The following MYO10 variants were observed in gnomAD, a reference collection of about 807,000 sequenced individuals.
MYO10 encodes myosin X.
A neutral mutation model predicts 257.3 loss-of-function variants in MYO10; 133 were observed. The observed-to-expected ratio is 0.52, with a 90% CI of 0.45 to 0.60. The LOEUF is 0.60. MYO10 is among the 20% of genes least tolerant of loss of function. The pLI, the probability that MYO10 is intolerant of heterozygous loss-of-function variation, is 0.00. For synonymous variants in MYO10, 1,104 were observed against 1,028.6 expected, an observed-to-expected ratio of 1.07 and a Z score of -1.40; for missense variants, 2,399 against 2,635.7, an observed-to-expected ratio of 0.91 and a Z score of 1.97.
In MYO10 at chr5:16,670,959, T is replaced by G; in HGVS notation, c.5450A>C (p.His1817Pro). Residue 1817 changes from histidine (H) to proline (P), a missense_variant, in exon 39 of 41, where the codon CAT becomes CCT. Coordinates refer to ENST00000513610, the MANE Select transcript of MYO10 (RefSeq NM_012334.3). ...TTCTTCCGGGGCTGGATGGTGGCCATGGATAACCGCTTCGTGGGCCTGAAA... is the reference window on the plus strand; with the variant it reads ...TTCTTCCGGGGCTGGATGGTGGCCAGGGATAACCGCTTCGTGGGCCTGAAA... ...MFEQAHEAVI[H>P]GHHPAPEENL... is the part of the protein sequence containing the mutation. The G allele has an allele frequency of 6.2e-7, 1 of 1,610,406 alleles. No individual in the cohort carries two copies. Among genetic ancestry groups the G allele is most frequent in the Non-Finnish European group, 8.5e-7 (1 of 1,177,006 alleles).
intron 19 of MYO10, among the ~76,000 whole-genome samples, chr5:16,744,551 TC>T (rs1740127933): frequency 6.6e-6 from 1 of 152,092 alleles, no homozygotes; most frequent in South Asian, 2.1e-4. Context: ...ACCCTGGGTC[TC>T]AGCAGGCGCG....
intron 3 of MYO10, among the ~76,000 whole-genome samples, chr5:16,811,870 A>T (rs26343): frequency 0.015 from 2,343 of 152,134 alleles, 71 homozygotes; most frequent in African/African-American, 0.055. Flanking sequence ...ACCCTGATTG[A>T]TCTCATGCCT....
intron 6 of MYO10, among the ~76,000 whole-genome samples, chr5:16,781,036 T>C (rs1464832046): frequency 6.6e-6 from 1 of 152,158 alleles, no homozygotes; most frequent in African/African-American, 2.4e-5. Context: ...ATGGAAATTA[T>C]ATCAGAGATT....
intron 3 of MYO10, among the ~76,000 whole-genome samples, 169 bp downstream of exon 3, chr5:16,817,840 G>A (rs1424774870): frequency 1.3e-5 from 2 of 152,072 alleles, no homozygotes; most frequent in African/African-American, 4.8e-5. Flanking sequence ...ATAAACTCTA[G>A]GAAAACATGA....
chr5:16,800,602 AT>A (rs1460563820), intron 3 of MYO10, among the ~76,000 whole-genome samples: 1 of 152,174 alleles, frequency 6.6e-6, no homozygotes, highest in East Asian at 1.9e-4. Context: ...CATAAAAGCG[AT>A]GCCCACAGCA....
chr5:16,824,966 G>A (rs1452161545), intron 2 of MYO10, among the ~76,000 whole-genome samples: 1 of 152,146 alleles, frequency 6.6e-6, no homozygotes, highest in African/African-American at 2.4e-5. Flanking sequence ...ACAATATTAT[G>A]TCATATTATA....
intron 2 of MYO10, among the ~76,000 whole-genome samples, chr5:16,866,887 C>T (rs1018771162): frequency 6.6e-6 from 1 of 152,164 alleles, no homozygotes; most frequent in Non-Finnish European, 1.5e-5. Flanking sequence ...TCTCCACCCA[C>T]AGCCGCTCTT....
At chr5:16,693,804 C>A in intron 27 of MYO10, among the ~76,000 whole-genome samples, 1 of 152,084 alleles carries the variant, frequency 6.6e-6, no homozygotes, top group East Asian at 1.9e-4. Context: ...AAATAATAGG[C>A]CCTCAATAGT....
intron 1 of MYO10, among the ~76,000 whole-genome samples, chr5:16,919,084 C>G (rs1745907112): frequency 6.6e-6 from 1 of 152,082 alleles, no homozygotes; most frequent in Non-Finnish European, 1.5e-5. Flanking sequence ...ACTTCAAAAG[C>G]CTACCAGAAC....
At chr5:16,818,368 G>A (rs1413729054) in intron 2 of MYO10, among the ~76,000 whole-genome samples, 4 of 94,848 alleles carry the variant, frequency 4.2e-5, no homozygotes, top group Admixed American at 3.9e-4. Flanking sequence ...ATGTATGTGT[G>A]TGTGTGTGTG....
rs1165129406 is a variant in MYO10 at position 16,794,536 on chromosome 5, G to A, written c.467+110C>T. ...CAGAAAACTCTGTCGGAGAAACTCA[G>A]GCGGTTGTAAAAGCTTCCTCTGGTT... On this transcript the variant is annotated intron_variant, in intron 4 of 40. Coordinates refer to ENST00000513610, the MANE Select transcript of MYO10 (RefSeq NM_012334.3). 2.9e-6 allele frequency: 3 copies of A among 1,042,608 alleles called. No individual in the cohort carries two copies. The East Asian group carries it at 9.1e-5, about 32-fold the overall frequency. 64.6% of individuals were successfully genotyped at this position (1,042,608 alleles called of 1,614,324 possible). A position where few individuals can be genotyped will look rare whatever the true frequency, so the allele number is the denominator to read the frequency against.
chr5:16,877,801 A>T (rs2126762462), intron 1 of MYO10, 94 bp from the exon 2 acceptor site: 1 of 876,934 alleles, frequency 1.1e-6, no homozygotes, highest in African/African-American at 1.7e-5. Context: ...ATATTCCTTT[A>T]AAAAAAATCT....
intron 26 of MYO10, 144 bp from the exon 27 acceptor site, chr5:16,694,758 G>C (rs1273425829): frequency 1.7e-5 from 18 of 1,068,730 alleles, no homozygotes; most frequent in Non-Finnish European, 2.5e-5. Context: ...TCAGTGAGGA[G>C]TGGCACTGCT....
Position 16,769,214 on chromosome 5 carries a change from A to T in MYO10, c.931-11T>A. 2 of 1,585,592 alleles carry T rather than the reference A, an allele frequency of 1.3e-6. No individual in the cohort carries two copies. Among genetic ancestry groups the T allele is most frequent in the Non-Finnish European group, 1.7e-6 (2 of 1,170,182 alleles). ...CACGTCCATTGCCGTCTAGAAGAAA[A>T]TAAATGTATTTAATTTTATGTCGTT... On this transcript the variant is annotated splice_polypyrimidine_tract_variant and intron_variant, in intron 9 of 40. Transcript: ENST00000513610.
Position 16,872,652 on chromosome 5 carries a change from A to AGACATACG in MYO10, c.120+4956_120+4957insCGTATGTC, listed in dbSNP as rs1744487220. ...TAGTCTGTTTTCATGCTGCTGATAA[A>AGACATACG]GACATACCCAAGACTGGGAAGAAAA... On this transcript the variant is annotated intron_variant, in intron 2 of 40. Coordinates refer to ENST00000513610, the MANE Select transcript of MYO10 (RefSeq NM_012334.3). Among the ~76,000 whole-genome samples, 4 of 152,326 alleles carry AGACATACG rather than the reference A, an allele frequency of 2.6e-5. No homozygotes were observed. In the South Asian group the frequency reaches 6.2e-4, roughly 24 times the overall value.
intron 1 of MYO10, among the ~76,000 whole-genome samples, chr5:16,882,332 C>G (rs1744775359): frequency 6.6e-6 from 1 of 152,198 alleles, no homozygotes; most frequent in Admixed American, 6.5e-5. Context: ...AATGGTACAT[C>G]TGCTTTGGAA....
intron 1 of MYO10, among the ~76,000 whole-genome samples, chr5:16,919,569 CA>C (rs1184107045): frequency 2.0e-5 from 3 of 152,122 alleles, no homozygotes; most frequent in Non-Finnish European, 2.9e-5. Flanking sequence ...GTAAACAATA[CA>C]ATCACTTAGG....
chr5:16,671,957 T>C (rs1736484799), intron 37 of MYO10, among the ~76,000 whole-genome samples: 1 of 152,230 alleles, frequency 6.6e-6, no homozygotes, highest in East Asian at 1.9e-4. Flanking sequence ...TAAGCAGGAA[T>C]ACCTTCGCGC....
intron 1 of MYO10, among the ~76,000 whole-genome samples, chr5:16,931,046 C>T (rs1167413596): frequency 6.6e-6 from 1 of 152,114 alleles, no homozygotes; most frequent in Non-Finnish European, 1.5e-5. Flanking sequence ...CCAAGGCAGG[C>T]GGATCACCTG....
Sources: allele counts gnomAD v4.1 joint callset (sites outside exome capture counted in the v4.1 genomes callset), GRCh38; gene constraint gnomAD v4.1.1; transcripts MANE v1.5; gene names NCBI Gene and HGNC (gene_info 2026-07-23, HGNC 2026-07-21).